Variants in MEP1B observed in about 807,000 individuals in gnomAD.
MEP1B encodes the protein meprin A subunit beta.
In MEP1B, 80 loss-of-function variants were observed where a neutral mutation model predicts 84.6. The ratio of observed to expected loss-of-function variants is 0.95; its 90% CI spans 0.79 to 1.14. The LOEUF (loss-of-function observed/expected upper bound fraction) is 1.14, where lower values mean the gene tolerates loss of function less well. MEP1B is among the 50% of genes most tolerant of loss of function. The pLI, the probability that MEP1B is intolerant of heterozygous loss-of-function variation, is 0.00. For missense variants in MEP1B, 766 were observed against 855.1 expected (o/e 0.90, Z 1.30); for synonymous variants, 273 against 288.1 (o/e 0.95, Z 0.53).
In MEP1B at chr18:32,207,407, A is replaced by T; in HGVS notation, c.703A>T (p.Ile235Phe). 1 of 1,613,408 alleles carries T rather than the reference A, an allele frequency of 6.2e-7. No individual in the cohort carries two copies. Among genetic ancestry groups the T allele is most frequent in the Non-Finnish European group, 8.5e-7 (1 of 1,179,660 alleles). Residue 235 changes from isoleucine (I) to phenylalanine (F), a missense_variant, in exon 8 of 15, where the codon ATC (isoleucine) becomes TTC (phenylalanine). Transcript: ENST00000269202. ...VTRISDFEDV[I>F]GQRMDFSDSD... ...AAGAATCTCAGACTTTGAGGATGTG[A>T]TCGGCCAACGAATGGATTTCAGTGA...
chr18:32,191,540 T>C lies in MEP1B; in HGVS notation c.64-282T>C, dbSNP rs367966879. Among the ~76,000 whole-genome samples, 21 of 152,196 alleles carry C rather than the reference T, an allele frequency of 1.4e-4. No individual in the cohort carries two copies. The East Asian group carries it at 3.3e-3, about 24-fold the overall frequency. ...CACTTATTTGAGAGCTAGAGTCTTA[T>C]GTTCTGCCTTTTCCCCCCCAATTTT... On this transcript the variant is annotated intron_variant, in intron 1 of 14. Coordinates refer to ENST00000269202, the MANE Select transcript of MEP1B (RefSeq NM_005925.3).
chr18:32,196,464 G>T lies in MEP1B; in HGVS notation c.250+979G>T, dbSNP rs2040855838. The T allele has an allele frequency of 1.4e-6, 1 of 694,042 alleles. No homozygotes were observed. 43.0% of individuals were successfully genotyped at this position (694,042 alleles called of 1,614,324 possible). A position where few individuals can be genotyped will look rare whatever the true frequency, so the allele number is the denominator to read the frequency against. On this transcript the variant is annotated intron_variant, in intron 5 of 14. Transcript: ENST00000269202. This position sits in a 1 kb window ranked among gnomAD's most constrained non-coding sequence, Gnocchi z 4.4. ...GCAGCCAGCCCTTCCTTCTGGTGCT[G>T]CAGGGCCGACCGGAAACTCAGCTTT...
intron 7 of MEP1B, among the ~76,000 whole-genome samples, chr18:32,204,752 A>T (rs1598892143): frequency 1.3e-5 from 2 of 152,298 alleles, no homozygotes; most frequent in South Asian, 4.1e-4. Flanking sequence ...TGGTGGCTGG[A>T]AAGTCCAAAA....
At chr18:32,215,363 A>G in intron 12 of MEP1B, 102 bp downstream of exon 12, 2 of 687,292 alleles carry the variant, frequency 2.9e-6, no homozygotes, top group South Asian at 5.4e-5. Flanking sequence ...GATGTATTAT[A>G]TAGAGATGTG....
chr18:32,213,396 T>C lies in MEP1B; in HGVS notation c.1416T>C (p.Asn472=), dbSNP rs754220716. ...QIYLNLAHVT[N]AGIYFHLISG... ...ACTTAAATCTAGCCCATGTGACTAA[T>C]GCAGGGATATATTTCCACTTGATCT... The change falls in exon 11 of 15, where the codon AAT becomes AAC. Residue 472 remains asparagine, a synonymous_variant. Coordinates refer to ENST00000269202, the MANE Select transcript of MEP1B (RefSeq NM_005925.3). The C allele has an allele frequency of 1.9e-6, 3 of 1,613,840 alleles. No individual in the cohort carries two copies. Among genetic ancestry groups the C allele is most frequent in the Non-Finnish European group, 2.5e-6 (3 of 1,179,848 alleles).
chr18:32,210,791 A>G, intron 10 of MEP1B, 75 bp downstream of exon 10: 1 of 1,220,308 alleles, frequency 8.2e-7, no homozygotes, highest in Non-Finnish European at 1.2e-6. Context: ...TAATGCAACA[A>G]TTTACAATAG....
intron 9 of MEP1B, among the ~76,000 whole-genome samples, chr18:32,209,949 C>A (rs559959914): frequency 2.6e-5 from 4 of 152,312 alleles, no homozygotes; most frequent in Non-Finnish European, 4.4e-5. Context: ...ACAGATGCTA[C>A]AACTCTCTAC....
At chr18:32,190,532 C>G (rs2040792420) in intron 1 of MEP1B, among the ~76,000 whole-genome samples, 1 of 152,146 alleles carries the variant, frequency 6.6e-6, no homozygotes, top group South Asian at 2.1e-4. Flanking sequence ...TTCTCTTATG[C>G]TTCTTCATCA....
At chr18:32,195,354 C>G (rs547940074) in intron 4 of MEP1B, 53 bp from the exon 5 acceptor site, 1 of 1,142,840 alleles carries the variant, frequency 8.8e-7, no homozygotes, top group Non-Finnish European at 1.3e-6. Context: ...TACAGGTTTC[C>G]TAAGTGTTTG....
intron 10 of MEP1B, 106 bp downstream of exon 10, chr18:32,210,822 T>C: frequency 2.3e-6 from 2 of 854,652 alleles, no homozygotes; most frequent in Non-Finnish European, 3.7e-6. Context: ...ACTGAGTCAC[T>C]ATACTTCAAC....
intron 7 of MEP1B, among the ~76,000 whole-genome samples, chr18:32,205,044 T>A (rs2040950643): frequency 6.6e-6 from 1 of 152,192 alleles, no homozygotes; most frequent in Non-Finnish European, 1.5e-5. Flanking sequence ...ATTCAAGGCA[T>A]AACACCTAGG....
intron 5 of MEP1B, chr18:32,195,976 C>T (rs1242409628): frequency 1.9e-5 from 6 of 319,728 alleles, no homozygotes; most frequent in Non-Finnish European, 3.6e-5. Flanking sequence ...AGTCTGGATC[C>T]CTGGTGAGTG....
chr18:32,212,948 C>A (rs1346770558), intron 10 of MEP1B, among the ~76,000 whole-genome samples, 168 bp from the exon 11 acceptor site: 1 of 152,150 alleles, frequency 6.6e-6, no homozygotes, highest in South Asian at 2.1e-4. Flanking sequence ...CACAGAAGCA[C>A]CTTGAAGTAA....
At chr18:32,191,964 G>A (rs2040806100) in intron 2 of MEP1B, 124 bp downstream of exon 2, 5 of 605,454 alleles carry the variant, frequency 8.3e-6, no homozygotes, top group Non-Finnish European at 1.1e-5. Context: ...ATCTAATACT[G>A]GATTCTTTTG....
chr18:32,216,910 T>C (rs1369206263), intron 12 of MEP1B, 81 bp from the exon 13 acceptor site: 1 of 1,451,542 alleles, frequency 6.9e-7, no homozygotes, highest in African/African-American at 1.4e-5. Flanking sequence ...AAAAGAAACA[T>C]TAAAAGAAAA....
chr18:32,213,503 T>A lies in MEP1B; in HGVS notation c.1523T>A (p.Ile508Asn). ...TMTLLDQNPD[I>N]RQRMSNQRSI... ...ACACTTTTGGATCAAAATCCTGACA[T>A]TCGACAGCGTATGTCCAATCAGCGG... Residue 508 changes from isoleucine (I) to asparagine (N), a missense_variant, in exon 11 of 15, where the codon ATT (isoleucine) becomes AAT (asparagine). Transcript: ENST00000269202. The A allele has an allele frequency of 1.2e-6, 2 of 1,613,974 alleles. No individual in the cohort carries two copies. The highest frequency in any genetic ancestry group is 1.7e-6 in the Non-Finnish European group (2 of 1,179,874).
chr18:32,191,879 C>G, intron 2 of MEP1B, 39 bp downstream of exon 2: 2 of 1,354,340 alleles, frequency 1.5e-6, no homozygotes, highest in Non-Finnish European at 2.0e-6. Flanking sequence ...TTATAGAGAA[C>G]CTAGGACATA....
chr18:32,196,681 G>C lies in MEP1B; in HGVS notation c.250+1196G>C. On this transcript the variant is annotated intron_variant, in intron 5 of 14. Transcript: ENST00000269202. This position sits in a 1 kb window ranked among gnomAD's most constrained non-coding sequence, Gnocchi z 4.4. ...CGGGGTGTCTTCCCCAAGCACCAGC[G>C]CATGAGGTAGTGGGCGCCCTGCAGC... 1.5e-6 allele frequency: 1 copy of C among 657,996 alleles called. No individual in the cohort carries two copies. The highest frequency in any genetic ancestry group is 2.8e-6 in the Non-Finnish European group (1 of 359,840). 40.8% of individuals were successfully genotyped at this position (657,996 alleles called of 1,614,324 possible).
chr18:32,215,176 A>C lies in MEP1B; in HGVS notation c.1674A>C (p.Gly558=). ...AGTTTAGAAGAGGTGGGGGCTATGG[A>C]ACCAGTGCCTTTATAACCCACGAAA... The part of the protein sequence containing the change: ...GTQFRRGGGY[G]TSAFITHERL... The change falls in exon 12 of 15, where the codon GGA becomes GGC. Residue 558 remains glycine (G), a synonymous_variant. Coordinates refer to ENST00000269202, the MANE Select transcript of MEP1B (RefSeq NM_005925.3). The C allele has an allele frequency of 6.2e-7, 1 of 1,612,576 alleles. No individual in the cohort carries two copies. Among genetic ancestry groups the C allele is most frequent in the Non-Finnish European group, 8.5e-7 (1 of 1,179,020 alleles).
Sources: gnomAD v4.1 joint callset for allele counts (sites outside exome capture counted in the v4.1 genomes callset) on GRCh38, gnomAD v4.1.1 for gene constraint, Gnocchi (gnomAD v3.1) non-coding constraint, MANE v1.5 for transcripts, NCBI Gene and HGNC (gene_info 2026-07-23, HGNC 2026-07-21) for gene names.